The following NCKAP1L variants were observed in gnomAD, a reference collection of about 807,000 sequenced individuals.
The protein encoded by NCKAP1L is NCK associated protein 1 like.
In NCKAP1L, 53 loss-of-function variants were observed where a neutral mutation model predicts 139.2. That is an observed-to-expected ratio of 0.38 (90% confidence interval 0.31 to 0.48). The LOEUF is 0.48. NCKAP1L is among the 20% of genes least tolerant of loss of function. The probability of loss-of-function intolerance (pLI) is 0.98; values close to 1 mark genes in which losing one functional copy is unlikely to be tolerated. For synonymous variants in NCKAP1L, 468 were observed against 499.7 expected (o/e 0.94, Z 0.85); for missense variants, 1,151 against 1,381.9 (o/e 0.83, Z 2.65).
intron 18 of NCKAP1L, 34 bp downstream of exon 18, chr12:54,521,272 C>T (rs1204631405): frequency 5.6e-6 from 9 of 1,610,758 alleles, no homozygotes; most frequent in Non-Finnish European, 7.6e-6. Flanking sequence ...ACTCTCCCCT[C>T]TGCCAGCGCT....
chr12:54,522,899 T>C (rs771117500), intron 18 of NCKAP1L, among the ~76,000 whole-genome samples: 3 of 152,106 alleles, frequency 2.0e-5, no homozygotes, highest in Non-Finnish European at 2.9e-5. Flanking sequence ...GGAAAGACAA[T>C]GCTGGCCACA....
At chr12:54,504,972 G>A (rs886544803) in intron 3 of NCKAP1L, among the ~76,000 whole-genome samples, 10 of 152,226 alleles carry the variant, frequency 6.6e-5, no homozygotes, top group African/African-American at 2.2e-4. Context: ...TGGAATTTGG[G>A]TGTAGGCTGG....
intron 5 of NCKAP1L, among the ~76,000 whole-genome samples, chr12:54,509,349 T>C (rs1222957486): frequency 2.0e-5 from 3 of 152,220 alleles, no homozygotes; most frequent in African/African-American, 4.8e-5. Context: ...TATAACGATT[T>C]GAATCTAGGC....
At chr12:54,534,642 C>T (rs1032593670) in intron 26 of NCKAP1L, among the ~76,000 whole-genome samples, 1 of 152,008 alleles carries the variant, frequency 6.6e-6, no homozygotes, top group Non-Finnish European at 1.5e-5. Flanking sequence ...AGCACCTGAA[C>T]CAGAGTATGA....
Position 54,508,550 on chromosome 12 carries a change from A to G in NCKAP1L, c.506+19A>G, listed in dbSNP as rs1231375392. Reference sequence around the variant, plus strand: ...GGCATGGGTGAGTTAAGGCGAGAGTATTATATGAAGAGTCTCATACATGGT... The same window carrying G: ...GGCATGGGTGAGTTAAGGCGAGAGTGTTATATGAAGAGTCTCATACATGGT... On this transcript the variant is annotated intron_variant, in intron 5 of 30. Transcript: ENST00000293373. 6.2e-7 allele frequency: 1 copy of G among 1,612,870 alleles called. No individual in the cohort carries two copies. The highest frequency in any genetic ancestry group is 2.2e-5 in the East Asian group (1 of 44,872).
chr12:54,531,694 AC>A (rs1221231259), intron 24 of NCKAP1L, 48 bp from the exon 25 acceptor site: 5 of 1,604,038 alleles, frequency 3.1e-6, no homozygotes, highest in Non-Finnish European at 4.3e-6. Context: ...CAAAATCATC[AC>A]CAATCCCTCT....
intron 3 of NCKAP1L, among the ~76,000 whole-genome samples, chr12:54,507,162 A>C (rs1212408689): frequency 6.6e-6 from 1 of 152,118 alleles, no homozygotes; most frequent in Non-Finnish European, 1.5e-5. Flanking sequence ...AAAATAAGAA[A>C]ATATTATAAG....
intron 20 of NCKAP1L, among the ~76,000 whole-genome samples, chr12:54,526,119 AG>A (rs1471779528): frequency 6.6e-6 from 1 of 152,182 alleles, no homozygotes; most frequent in East Asian, 1.9e-4. Flanking sequence ...ATTCTTTTCA[AG>A]GGGAAAAGAT....
chr12:54,532,963 A>T (rs1410161052), intron 26 of NCKAP1L, among the ~76,000 whole-genome samples: 2 of 152,342 alleles, frequency 1.3e-5, no homozygotes, highest in East Asian at 3.9e-4. Context: ...CCTTTAATGG[A>T]GAGTGGTCTG....
At chr12:54,507,318 A>G (rs866134822) in intron 3 of NCKAP1L, among the ~76,000 whole-genome samples, 1 of 152,186 alleles carries the variant, frequency 6.6e-6, no homozygotes, top group Non-Finnish European at 1.5e-5. Flanking sequence ...AAGAATCCCT[A>G]TCATACTAGA....
chr12:54,524,062 T>C, intron 20 of NCKAP1L, 106 bp downstream of exon 20: 1 of 1,179,046 alleles, frequency 8.5e-7, no homozygotes, highest in East Asian at 2.4e-5. Flanking sequence ...ATTACATTCA[T>C]CCTGGTGGTC....
At chr12:54,531,209 T>C (rs1445745986) in intron 22 of NCKAP1L, 51 bp from the exon 23 acceptor site, 1 of 1,344,966 alleles carries the variant, frequency 7.4e-7, no homozygotes, top group African/African-American at 1.4e-5. Context: ...GTTGTACAAA[T>C]ACTCCAGTGC....
At chr12:54,533,698 C>T (rs1045290123) in intron 26 of NCKAP1L, among the ~76,000 whole-genome samples, 1 of 152,102 alleles carries the variant, frequency 6.6e-6, no homozygotes, top group Non-Finnish European at 1.5e-5. Flanking sequence ...CCCCGAGTTC[C>T]TCCTGGAACT....
intron 3 of NCKAP1L, among the ~76,000 whole-genome samples, chr12:54,507,211 G>A (rs573373971): frequency 1.3e-5 from 2 of 152,148 alleles, no homozygotes; most frequent in East Asian, 1.9e-4. Flanking sequence ...TTACCTGGGC[G>A]TTCTGCAGGA....
rs1286340234 is a variant in NCKAP1L at position 54,547,514 on chromosome 12, G to GTGTGTGTGTGTT, written c.*4840_*4841insTTGTGTGTGTGT. Reference sequence around the variant, plus strand: ...TTTGTGTGTGTGTGCGTGTGTGTGTGTGTGTGTGTGTGTGTGTGTGAATTA... The same window carrying GTGTGTGTGTGTT: ...TTTGTGTGTGTGTGCGTGTGTGTGTGTGTGTGTGTGTTTGTGTGTGTGTGTGTGTGTGAATTA... On this transcript the variant is annotated 3_prime_UTR_variant, in exon 31 of 31. Coordinates refer to ENST00000293373, the MANE Select transcript of NCKAP1L (RefSeq NM_005337.5). The GTGTGTGTGTGTT allele has an allele frequency of 3.3e-5, 5 of 151,878 alleles. No individual in the cohort carries two copies. In the South Asian group the frequency reaches 1.0e-3, roughly 32 times the overall value. The allele number at this position is 151,878 out of a possible 1,614,324, so 9.4% of individuals were successfully genotyped here.
At chr12:54,525,594 G>T (rs1957019862) in intron 20 of NCKAP1L, among the ~76,000 whole-genome samples, 1 of 152,118 alleles carries the variant, frequency 6.6e-6, no homozygotes, top group African/African-American at 2.4e-5. Context: ...CCTAAGGTTG[G>T]CCTAGAGGTT....
At position 54,531,757 on chromosome 12, in the gene NCKAP1L, C is replaced by G. The variant is rs1565681913; in HGVS notation, c.2713C>G (p.Leu905Val). The G allele has an allele frequency of 1.9e-6, 3 of 1,612,298 alleles. No homozygotes were observed. The highest frequency in any genetic ancestry group is 2.7e-5 in the African/African-American group (2 of 75,022). Reference protein sequence around the residue: ...LPQLTGAENVLKRMTIIGVIL... With the variant: ...LPQLTGAENVVKRMTIIGVIL... ...TTTCTCCTCAGGGGCTGAAAATGTGCTAAAGCGCATGACCATCATTGGGGT... is the reference window on the plus strand; with the variant it reads ...TTTCTCCTCAGGGGCTGAAAATGTGGTAAAGCGCATGACCATCATTGGGGT... The change falls in exon 25 of 31, where the codon CTA becomes GTA. Residue 905 changes from leucine to valine, a missense_variant. Coordinates refer to ENST00000293373, the MANE Select transcript of NCKAP1L (RefSeq NM_005337.5).
At chr12:54,514,530 C>T (rs1336318268) in intron 9 of NCKAP1L, among the ~76,000 whole-genome samples, 7 of 152,070 alleles carry the variant, frequency 4.6e-5, no homozygotes, top group Non-Finnish European at 4.4e-5. Context: ...ACCATGTTGG[C>T]CAGGCTGGTC....
rs140540603 is a variant in NCKAP1L at position 54,516,974 on chromosome 12, G to C, written c.1077G>C (p.Pro359=). Residue 359 remains proline (P), a synonymous_variant, in exon 11 of 31, where the codon CCG becomes CCC. Transcript: ENST00000293373. ...KELETVLADE[P]GLLGPKALFA... ...TGGAGACTGTGTTGGCTGATGAACC[G>C]GGACTACTGGGTCCTAAGGCAAGAG... 6.2e-7 allele frequency: 1 copy of C among 1,611,904 alleles called. No homozygotes were observed. Among genetic ancestry groups the C allele is most frequent in the East Asian group, 2.2e-5 (1 of 44,730 alleles).
Sources: allele counts gnomAD v4.1 joint callset (sites outside exome capture counted in the v4.1 genomes callset), GRCh38; gene constraint gnomAD v4.1.1; transcripts MANE v1.5; gene names NCBI Gene and HGNC (gene_info 2026-07-23, HGNC 2026-07-21).